NCAPD3: variants seen among roughly 807,000 people sequenced by gnomAD.
NCAPD3 encodes the protein condensin-2 complex subunit D3.
In NCAPD3, 105 loss-of-function variants were observed where a neutral mutation model predicts 182.9. The ratio of observed to expected loss-of-function variants is 0.57; its 90% CI spans 0.49 to 0.68. The LOEUF (loss-of-function observed/expected upper bound fraction) is 0.68, where lower values mean the gene tolerates loss of function less well. Among genes scored for constraint, NCAPD3 ranks in the 30% least tolerant of loss-of-function variants. The pLI is 0.00. For missense variants in NCAPD3, 1,944 were observed against 1,837.0 expected (o/e 1.06, Z -1.07); for synonymous variants, 815 against 679.9 (o/e 1.20, Z -3.09).
At chr11:134,167,458 A>G (rs1591829326) in intron 27 of NCAPD3, among the ~76,000 whole-genome samples, 3 of 99,110 alleles carry the variant, frequency 3.0e-5, no homozygotes, top group East Asian at 3.1e-4. Flanking sequence ...AGCTTAGGGG[A>G]GGCGCACACT....
At chr11:134,211,827 T>C (rs1266181633) in intron 3 of NCAPD3, among the ~76,000 whole-genome samples, 1 of 151,998 alleles carries the variant, frequency 6.6e-6, no homozygotes, top group East Asian at 1.9e-4. Flanking sequence ...AGCAGGAGCG[T>C]AGAAACCAAA....
Position 134,202,876 on chromosome 11 carries a change from G to T in NCAPD3, c.1555C>A (p.Arg519Ser), listed in dbSNP as rs760447336. ...TTGATCTCCCCTGAGGGTTCGGAACGGTTAGATGTCTGCCTTTGGTAGGAA... is the reference window on the plus strand; with the variant it reads ...TTGATCTCCCCTGAGGGTTCGGAACTGTTAGATGTCTGCCTTTGGTAGGAA... ...AFSYQRQTSN[R>S]SEPSGEINID... Residue 519 changes from arginine to serine, a missense_variant, in exon 13 of 35, where the codon CGT (arginine) becomes AGT (serine). Transcript: ENST00000534548. The T allele has an allele frequency of 6.2e-7, 1 of 1,606,138 alleles. No homozygotes were observed. Among genetic ancestry groups the T allele is most frequent in the Non-Finnish European group, 8.5e-7 (1 of 1,178,074 alleles).
intron 27 of NCAPD3, among the ~76,000 whole-genome samples, chr11:134,165,680 C>G (rs1403072355): frequency 6.9e-6 from 1 of 143,918 alleles, no homozygotes; most frequent in Non-Finnish European, 1.5e-5. Context: ...GCAGCATACT[C>G]ATTTGTGAGA....
intron 27 of NCAPD3, among the ~76,000 whole-genome samples, chr11:134,165,245 CTT>C (rs1487484458): frequency 1.4e-5 from 2 of 138,310 alleles, no homozygotes; most frequent in Admixed American, 1.5e-4. Flanking sequence ...AGCACGCTCA[CTT>C]GTGAGATAAG....
chr11:134,156,030 C>T (rs142067149), intron 32 of NCAPD3, among the ~76,000 whole-genome samples: 12 of 152,358 alleles, frequency 7.9e-5, no homozygotes, highest in Non-Finnish European at 1.2e-4. Context: ...AGTGACTAAA[C>T]GAACGGCAGG....
chr11:134,190,752 T>G (rs1324954105), intron 16 of NCAPD3, among the ~76,000 whole-genome samples: 4 of 152,176 alleles, frequency 2.6e-5, no homozygotes. Flanking sequence ...GCTGGGAATA[T>G]AGCCTGGCCT....
In NCAPD3 at chr11:134,160,152, C is replaced by T. The variant is rs147002547; in HGVS notation, c.3685-78G>A. ...GCCCTAAACCCCCACGACACACCTT[C>T]GCCTGTGTAACAAACCTGCACATCC... is the stretch of plus-strand genomic sequence containing the variant. On this transcript the variant is annotated intron_variant, in intron 28 of 34. Transcript: ENST00000534548. The T allele has an allele frequency of 2.0e-4, 292 of 1,469,592 alleles. 3 individuals are homozygous for T. The African/African-American group carries it at 2.0e-3, about 10-fold the overall frequency. 91.0% of individuals were successfully genotyped at this position (1,469,592 alleles called of 1,614,324 possible).
At position 134,210,446 on chromosome 11, in the gene NCAPD3, C is replaced by T. The variant is rs748272211; in HGVS notation, c.391G>A (p.Ala131Thr). 5.6e-6 allele frequency: 9 copies of T among 1,613,388 alleles called. No homozygotes were observed. In the South Asian group the frequency reaches 9.9e-5, roughly 18 times the overall value. Residue 131 changes from alanine to threonine, a missense_variant, in exon 4 of 35, where the codon GCC (alanine) becomes ACC (threonine). By Grantham distance (58) the Ala-to-Thr change is moderately conservative. Coordinates refer to ENST00000534548, the MANE Select transcript of NCAPD3 (RefSeq NM_015261.3). ...FLLLEVPGSV[A>T]NQVFHPVMFD... ...ATCACTGGGTGGAATACTTGATTGGCTACACTGCCTATTCATGAGGAATAA... is the reference window on the plus strand; with the variant it reads ...ATCACTGGGTGGAATACTTGATTGGTTACACTGCCTATTCATGAGGAATAA...
chr11:134,178,371 C>A (rs950128500), intron 22 of NCAPD3: 1 of 298,432 alleles, frequency 3.4e-6, no homozygotes. Flanking sequence ...ATTAACATAA[C>A]CCTACTGAAA....
At chr11:134,199,423 C>T (rs1944702954) in intron 13 of NCAPD3, among the ~76,000 whole-genome samples, 1 of 152,146 alleles carries the variant, frequency 6.6e-6, no homozygotes, top group African/African-American at 2.4e-5. Context: ...CATTGTTTTC[C>T]TCCCACATAC....
At position 134,194,047 on chromosome 11, in the gene NCAPD3, T is replaced by G; in HGVS notation, c.1793A>C (p.Gln598Pro). Reference sequence around the variant, plus strand: ...GAGTTCAGTAAGAGACTGGAGGGCCTGCTTCCGGACAGACACTGCAGGGTC... The same window carrying G: ...GAGTTCAGTAAGAGACTGGAGGGCCGGCTTCCGGACAGACACTGCAGGGTC... ...CRDPAVSVRKQALQSLTELLM... is the reference protein window; with the variant it reads ...CRDPAVSVRKPALQSLTELLM... Residue 598 changes from glutamine to proline, a missense_variant, in exon 15 of 35, where the codon CAG (glutamine) becomes CCG (proline). Gln to Pro is a moderately conservative substitution (Grantham distance 76). This residue lies in a region of NCAPD3 where 1,803 missense variants were observed against 1,674.6 expected (regional missense o/e 1.08). Transcript: ENST00000534548. 6.2e-7 allele frequency: 1 copy of G among 1,614,122 alleles called. No homozygotes were observed. The highest frequency in any genetic ancestry group is 8.5e-7 in the Non-Finnish European group (1 of 1,179,962).
At position 134,178,842 on chromosome 11, in the gene NCAPD3, G is replaced by A. The variant is rs978695921; in HGVS notation, c.2654C>T (p.Ser885Leu). ...IFLLIQSVLA[S>L]SADADHSPSS... Reference sequence around the variant, plus strand: ...CTTACAGTGGTCAGCATCAGCAGACGAAGCCAGGACGGACTGAATCAGAAG... The same window carrying A: ...CTTACAGTGGTCAGCATCAGCAGACAAAGCCAGGACGGACTGAATCAGAAG... The change falls in exon 21 of 35, where the codon TCG becomes TTG. Residue 885 changes from serine (S) to leucine (L), a missense_variant. Transcript: ENST00000534548. 9 of 1,613,966 alleles carry A rather than the reference G, an allele frequency of 5.6e-6. No homozygotes were observed. Among genetic ancestry groups the A allele is most frequent in the Non-Finnish European group, 7.6e-6 (9 of 1,179,996 alleles).
Position 134,210,263 on chromosome 11 carries a change from T to A in NCAPD3, c.567+7A>T, listed in dbSNP as rs752636720. The A allele has an allele frequency of 1.2e-6, 2 of 1,609,288 alleles. No individual in the cohort carries two copies. Among genetic ancestry groups the A allele is most frequent in the Non-Finnish European group, 1.7e-6 (2 of 1,178,204 alleles). ...TATATATGTTTTATACTCAACTTAC[T>A]TCTTACCTCAATATCTTCTCTCCTG... On this transcript the variant is annotated splice_region_variant and intron_variant, in intron 4 of 34. Coordinates refer to ENST00000534548, the MANE Select transcript of NCAPD3 (RefSeq NM_015261.3).
At chr11:134,165,788 G>A (rs1395215969) in intron 27 of NCAPD3, among the ~76,000 whole-genome samples, 18 of 136,396 alleles carry the variant, frequency 1.3e-4, no homozygotes, top group African/African-American at 4.2e-4. Context: ...CGTGAGAGGA[G>A]CTTAGGGGAG....
chr11:134,184,810 TACACACACACACACACACACACAC>T, intron 18 of NCAPD3, 58 bp from the exon 19 acceptor site: 28 of 1,008,316 alleles, frequency 2.8e-5, no homozygotes, highest in Non-Finnish European at 4.3e-5. Flanking sequence ...CAGGTATATA[TACACACACACACACACACACACAC>T]ACACACACAC....
At chr11:134,183,292 C>T (rs530894380) in intron 19 of NCAPD3, 1 of 393,068 alleles carries the variant, frequency 2.5e-6, no homozygotes, top group African/African-American at 2.1e-5. Flanking sequence ...ATCACTCTTT[C>T]CTCAGTCTTA....
At chr11:134,164,101 C>G (rs1302921370) in intron 27 of NCAPD3, among the ~76,000 whole-genome samples, 4 of 152,076 alleles carry the variant, frequency 2.6e-5, no homozygotes, top group Non-Finnish European at 4.4e-5. Context: ...CAAAAGCCTC[C>G]AGAGGCCAGG....
Position 134,208,877 on chromosome 11 carries a change from C to T in NCAPD3, c.869G>A (p.Gly290Glu), listed in dbSNP as rs758770804. 1 of 1,612,586 alleles carries T rather than the reference C, an allele frequency of 6.2e-7. No homozygotes were observed. The change falls in exon 7 of 35, where the codon GGA becomes GAA. Residue 290 changes from glycine to glutamate, a missense_variant. Around this residue, in one of 3 missense-constraint regions of NCAPD3, gnomAD observed 1,803 missense variants for 1,674.6 expected, o/e 1.08. Coordinates refer to ENST00000534548, the MANE Select transcript of NCAPD3 (RefSeq NM_015261.3). ...GLYLLCSPIH[G>E]EGDKVISCVF... ...CATCTCCTTTACCTTATCTCCTTCTCCATGAATGGGAGAGCACAGCAAATA... is the reference window on the plus strand; with the variant it reads ...CATCTCCTTTACCTTATCTCCTTCTTCATGAATGGGAGAGCACAGCAAATA...
chr11:134,164,160 CAG>C (rs2120607626), intron 27 of NCAPD3, among the ~76,000 whole-genome samples: 1 of 152,272 alleles, frequency 6.6e-6, no homozygotes, highest in Non-Finnish European at 1.5e-5. Context: ...CACAGGCCTG[CAG>C]AGGCCTGTGG....
Sources: gnomAD v4.1 joint callset for allele counts (sites outside exome capture counted in the v4.1 genomes callset) on GRCh38, gnomAD v4.1.1 for gene constraint, gnomAD v4.1.1 regional missense constraint, MANE v1.5 for transcripts, NCBI Gene and HGNC (gene_info 2026-07-23, HGNC 2026-07-21) for gene names.